Variants in NEO1 observed in about 807,000 individuals in gnomAD.
The protein encoded by NEO1 is neogenin 1, also known as neogenin.
In NEO1, 63 loss-of-function variants were observed where a neutral mutation model predicts 159.7. That is an observed-to-expected ratio of 0.39 (90% CI 0.32 to 0.49). The LOEUF (loss-of-function observed/expected upper bound fraction) is 0.49. NEO1 is among the 20% of genes least tolerant of loss of function. The pLI, the probability that NEO1 is intolerant of heterozygous loss-of-function variation, is 0.85. For missense variants in NEO1, 1,615 were observed against 1,831.0 expected (o/e 0.88, Z 2.15); for synonymous variants, 633 against 662.0 (o/e 0.96, Z 0.67).
At chr15:73,138,680 T>C (rs112752532) in intron 5 of NEO1, among the ~76,000 whole-genome samples, 50,540 of 147,538 alleles carry the variant, frequency 0.34, 9,302 homozygotes, top group Admixed American at 0.47. Flanking sequence ...GGCGTGAACC[T>C]GGGAAGCCGA....
chr15:73,105,729 T>G (rs1230455463), intron 1 of NEO1, among the ~76,000 whole-genome samples: 3 of 152,174 alleles, frequency 2.0e-5, no homozygotes, highest in Non-Finnish European at 4.4e-5. Flanking sequence ...GTCTCACATT[T>G]TGGATTTGTG....
chr15:73,151,689 A>G (rs769213728), intron 5 of NEO1, among the ~76,000 whole-genome samples: 20 of 152,324 alleles, frequency 1.3e-4, no homozygotes, highest in Middle Eastern at 3.4e-3. Context: ...TGAGAACAGC[A>G]TGGAAGTAAC....
At position 73,079,253 on chromosome 15, in the gene NEO1, A is replaced by G. The variant is rs193301633; in HGVS notation, c.130+26448A>G. 6.2e-4 allele frequency among the ~76,000 whole-genome samples: 95 copies of G among 152,334 alleles called. No homozygotes were observed. The Middle Eastern group carries it at 0.01, about 16-fold the overall frequency. ...GCTATTATGCCATGTAATAGGCCCA[A>G]AATTGTGGCCCTAGGAATACAAATT... On this transcript the variant is annotated intron_variant, in intron 1 of 28. Transcript: ENST00000261908.
chr15:73,278,936 A>G (rs1422809337), intron 22 of NEO1, among the ~76,000 whole-genome samples: 2 of 152,222 alleles, frequency 1.3e-5, no homozygotes, highest in Admixed American at 6.5e-5. Flanking sequence ...GTGGGAACCT[A>G]GAGTGGAAAG....
At chr15:73,220,408 G>A (rs1172024708) in intron 7 of NEO1, among the ~76,000 whole-genome samples, 1 of 152,088 alleles carries the variant, frequency 6.6e-6, no homozygotes, top group Admixed American at 6.5e-5. Context: ...TATGTGTCTT[G>A]GAGTTGCTCT....
chr15:73,102,365 C>CA lies in NEO1; in HGVS notation c.131-14164dup, dbSNP rs900488697. ...TGGGCTATAGAGCAAGATTCCGTCT[C>CA]AAAAAAAAAAATTTAATAAGGTTTA... On this transcript the variant is annotated intron_variant, in intron 1 of 28. Coordinates refer to ENST00000261908, the MANE Select transcript of NEO1 (RefSeq NM_002499.4). Among the ~76,000 whole-genome samples the CA allele has an allele frequency of 1.4e-3, 200 of 146,350 alleles. 1 individual carries two copies. The highest frequency in any genetic ancestry group is 3.7e-3 in the African/African-American group (148 of 40,060).
chr15:73,068,876 G>T (rs2068371384), intron 1 of NEO1, among the ~76,000 whole-genome samples: 1 of 151,270 alleles, frequency 6.6e-6, no homozygotes, highest in African/African-American at 2.4e-5. Flanking sequence ...TGTACATTTA[G>T]ATTGAAATTC....
chr15:73,281,259 A>G (rs1410385307), intron 22 of NEO1, among the ~76,000 whole-genome samples: 3 of 910 alleles, frequency 3.3e-3, no homozygotes, highest in African/African-American at 0.01. Flanking sequence ...CCACTTCAGG[A>G]GATTTTTTCC....
chr15:73,249,306 GA>G, intron 10 of NEO1, 98 bp downstream of exon 10: 6 of 1,319,034 alleles, frequency 4.5e-6, no homozygotes, highest in South Asian at 1.4e-5. Context: ...ATGTGAGGGG[GA>G]AAAAGAAACA....
intron 1 of NEO1, among the ~76,000 whole-genome samples, chr15:73,087,439 C>G (rs1270951893): frequency 6.6e-6 from 1 of 152,118 alleles, no homozygotes; most frequent in East Asian, 1.9e-4. Context: ...CATCTTTGTT[C>G]ATGAGGAATA....
intron 1 of NEO1, among the ~76,000 whole-genome samples, chr15:73,102,376 A>AT (rs2070450659): frequency 6.6e-6 from 1 of 152,134 alleles, no homozygotes; most frequent in Non-Finnish European, 1.5e-5. Flanking sequence ...AAAAAAAAAA[A>AT]TTTAATAAGG....
At position 73,298,614 on chromosome 15, in the gene NEO1, G is replaced by A. The variant is rs770280185; in HGVS notation, c.4165+3G>A. 1 of 1,614,116 alleles carries A rather than the reference G, an allele frequency of 6.2e-7. No homozygotes were observed. Among genetic ancestry groups the A allele is most frequent in the South Asian group, 1.1e-5 (1 of 91,084 alleles). On this transcript the variant is annotated splice_donor_region_variant and intron_variant, in intron 27 of 28. Coordinates refer to ENST00000261908, the MANE Select transcript of NEO1 (RefSeq NM_002499.4). Reference sequence around the variant, plus strand: ...CACACCATTACTGTCCCAGCAAGGTGAGTGAGGATGGCAGCACACCTGGAG... The same window carrying A: ...CACACCATTACTGTCCCAGCAAGGTAAGTGAGGATGGCAGCACACCTGGAG...
chr15:73,153,600 G>T (rs115934295), intron 5 of NEO1, among the ~76,000 whole-genome samples: 3 of 152,162 alleles, frequency 2.0e-5, no homozygotes, highest in Non-Finnish European at 2.9e-5. Flanking sequence ...GGCGAAAGTC[G>T]TTATTGTCAG....
At chr15:73,112,073 G>A (rs1012651412) in intron 1 of NEO1, among the ~76,000 whole-genome samples, 15 of 152,016 alleles carry the variant, frequency 9.9e-5, no homozygotes, top group Non-Finnish European at 1.5e-5. Context: ...TAACAACCTG[G>A]TGTACATTTT....
chr15:73,108,925 A>G (rs1277685588), intron 1 of NEO1, among the ~76,000 whole-genome samples: 1 of 152,148 alleles, frequency 6.6e-6, no homozygotes, highest in Admixed American at 6.6e-5. Context: ...CAGCCCATTG[A>G]GAGAAGTGAG....
chr15:73,211,242 A>C (rs1213012012), intron 7 of NEO1, among the ~76,000 whole-genome samples: 2 of 152,196 alleles, frequency 1.3e-5, no homozygotes, highest in Non-Finnish European at 1.5e-5. Context: ...ACATTTGAAA[A>C]CATGCAGAAC....
chr15:73,272,353 TGCCTTGTGCCC>T, intron 18 of NEO1, 91 bp from the exon 19 acceptor site: 1 of 718,742 alleles, frequency 1.4e-6, no homozygotes. Flanking sequence ...TTATCTTTTT[TGCCTTGTGCCC>T]TTTATTTTGC....
intron 4 of NEO1, 117 bp from the exon 5 acceptor site, chr15:73,135,774 A>G (rs1596105424): frequency 5.5e-6 from 5 of 916,736 alleles, no homozygotes; most frequent in Non-Finnish European, 7.4e-6. Flanking sequence ...GTTCATCTAT[A>G]GCTATATAAA....
rs1009229456 is a variant in NEO1 at position 73,112,202 on chromosome 15, A to AT, written c.131-4328dup. 2.7e-3 allele frequency among the ~76,000 whole-genome samples: 407 copies of AT among 148,504 alleles called. 2 individuals carry two copies. Among genetic ancestry groups the AT allele is most frequent in the Admixed American group, 3.4e-3 (51 of 14,844 alleles). The stretch of plus-strand genomic sequence containing the variant: ...ACATCAACTGAAATGTAGCCCACTC[A>AT]TTTTTTTTTTGCTGGATAATATTCT... On this transcript the variant is annotated intron_variant, in intron 1 of 28. Coordinates refer to ENST00000261908, the MANE Select transcript of NEO1 (RefSeq NM_002499.4).
Sources: gnomAD v4.1 joint callset for allele counts (sites outside exome capture counted in the v4.1 genomes callset) on GRCh38, gnomAD v4.1.1 for gene constraint, MANE v1.5 for transcripts, NCBI Gene and HGNC (gene_info 2026-07-23, HGNC 2026-07-21) for gene names.